The following PSMA1 variants were observed in gnomAD, a reference collection of about 807,000 sequenced individuals.
PSMA1 encodes the protein proteasome subunit alpha type-1.
A neutral mutation model predicts 38.4 loss-of-function variants in PSMA1; 3 were observed. The ratio of observed to expected loss-of-function variants is 0.08; its 90% CI spans 0.04 to 0.20. PSMA1 has a LOEUF of 0.20. Ranked by LOEUF, PSMA1 falls within the 10% of genes least tolerant of loss-of-function variation. The pLI, the probability that PSMA1 is intolerant of heterozygous loss-of-function variation, is 1.00. For missense variants in PSMA1, 227 were observed against 325.3 expected, an observed-to-expected ratio of 0.70 and a Z score of 2.32; for synonymous variants, 101 against 107.1, an observed-to-expected ratio of 0.94 and a Z score of 0.35.
At chr11:14,638,539 CTCTCTCTATATATATATATATATA>C (rs1325797459) in intron 1 of PSMA1, among the ~76,000 whole-genome samples, 342 of 19,158 alleles carry the variant, frequency 0.018, no homozygotes, top group Non-Finnish European at 0.027. Context: ...CTCTCTCTCT[CTCTCTCTATATATATATATATATA>C]TATATATATA....
chr11:14,597,292 T>G (rs992654989), intron 2 of PSMA1, among the ~76,000 whole-genome samples: 2 of 152,240 alleles, frequency 1.3e-5, no homozygotes, highest in African/African-American at 4.8e-5. Context: ...TCTTTTTCTA[T>G]TGATTGGAAT....
At chr11:14,574,608 G>C (rs1293938531) in intron 2 of PSMA1, among the ~76,000 whole-genome samples, 1 of 152,100 alleles carries the variant, frequency 6.6e-6, no homozygotes, top group African/African-American at 2.4e-5. Flanking sequence ...TGATGGGGGT[G>C]GTTACCCCCA....
At chr11:14,513,997 T>C (rs1301268272) in intron 5 of PSMA1, 110 bp from the exon 6 acceptor site, 1 of 1,371,972 alleles carries the variant, frequency 7.3e-7, no homozygotes, top group African/African-American at 1.5e-5. Flanking sequence ...TGTTGCATAA[T>C]CCACCAGAGA....
At chr11:14,526,218 A>G (rs1158541434) in intron 2 of PSMA1, among the ~76,000 whole-genome samples, 1 of 152,138 alleles carries the variant, frequency 6.6e-6, no homozygotes, top group Non-Finnish European at 1.5e-5. Context: ...AAACCATTAT[A>G]TAAACTCACA....
intron 2 of PSMA1, among the ~76,000 whole-genome samples, chr11:14,554,289 T>C (rs1188369001): frequency 6.6e-6 from 1 of 152,184 alleles, no homozygotes; most frequent in Non-Finnish European, 1.5e-5. Context: ...CTTAATGTGA[T>C]ATTTTACAGA....
At chr11:14,599,247 T>C (rs1852546700) in intron 2 of PSMA1, among the ~76,000 whole-genome samples, 2 of 152,194 alleles carry the variant, frequency 1.3e-5, no homozygotes, top group African/African-American at 4.8e-5. Context: ...AGTATCTTTA[T>C]AGTGGTTTCT....
At chr11:14,588,170 C>T (rs1435343859) in intron 2 of PSMA1, among the ~76,000 whole-genome samples, 2 of 152,238 alleles carry the variant, frequency 1.3e-5, no homozygotes, top group Non-Finnish European at 2.9e-5. Context: ...GAGTGAGTGA[C>T]TCTGCCTGGG....
At chr11:14,584,903 T>C (rs981397094) in intron 2 of PSMA1, among the ~76,000 whole-genome samples, 11 of 152,256 alleles carry the variant, frequency 7.2e-5, no homozygotes, top group African/African-American at 1.7e-4. Context: ...CTAGTGTTCC[T>C]GTCTCCTTTC....
At chr11:14,629,863 C>T (rs1408409009) in intron 1 of PSMA1, among the ~76,000 whole-genome samples, 1 of 152,080 alleles carries the variant, frequency 6.6e-6, no homozygotes, top group African/African-American at 2.4e-5. Flanking sequence ...GTTTGTAGTT[C>T]TTCTTGAAGA....
rs1852805698 is a variant in PSMA1, at chr11:14,618,694, C to T, written c.-165-7543G>A. Among the ~76,000 whole-genome samples, 4 of 152,196 alleles carry T rather than the reference C, an allele frequency of 2.6e-5. No individual in the cohort carries two copies. In the South Asian group the frequency reaches 8.3e-4, roughly 32 times the overall value. ...ATGACAACTTGTTGTTAACTGGCTT[C>T]CATTTATTATTCCTTTCATGGTCCT... On this transcript the variant is annotated intron_variant, in intron 1 of 10. Transcript: ENST00000418988.
At chr11:14,571,522 A>G (rs1407877458) in intron 2 of PSMA1, among the ~76,000 whole-genome samples, 1 of 152,220 alleles carries the variant, frequency 6.6e-6, no homozygotes, top group Non-Finnish European at 1.5e-5. Flanking sequence ...AGCATTAAAC[A>G]TGGAAAGGAA....
At chr11:14,542,414 A>G (rs1851782916) in intron 2 of PSMA1, among the ~76,000 whole-genome samples, 1 of 152,206 alleles carries the variant, frequency 6.6e-6, no homozygotes, top group Non-Finnish European at 1.5e-5. Context: ...GCAGGGAAAA[A>G]AAAACCCAAC....
At chr11:14,608,503 T>C (rs1852670147) in intron 2 of PSMA1, among the ~76,000 whole-genome samples, 2 of 150,774 alleles carry the variant, frequency 1.3e-5, no homozygotes, top group Admixed American at 6.6e-5. Flanking sequence ...ATGGCACATG[T>C]ATACATATAT....
intron 2 of PSMA1, among the ~76,000 whole-genome samples, chr11:14,532,968 G>A (rs1428196262): frequency 2.0e-5 from 3 of 152,148 alleles, no homozygotes; most frequent in African/African-American, 7.2e-5. Flanking sequence ...ATTGTACTAG[G>A]TAGTGAAACT....
At chr11:14,631,738 A>G (rs1055276806) in intron 1 of PSMA1, among the ~76,000 whole-genome samples, 17 of 152,184 alleles carry the variant, frequency 1.1e-4, no homozygotes, top group East Asian at 3.9e-4. Context: ...TTTCTGTCTC[A>G]TTGATGTGTC....
At chr11:14,543,663 T>C (rs1005946796) in intron 2 of PSMA1, among the ~76,000 whole-genome samples, 4 of 152,214 alleles carry the variant, frequency 2.6e-5, no homozygotes, top group African/African-American at 7.2e-5. Flanking sequence ...ACAGCTTTAT[T>C]GAAATTAATT....
At chr11:14,561,227 C>T (rs1852003762) in intron 2 of PSMA1, among the ~76,000 whole-genome samples, 1 of 152,212 alleles carries the variant, frequency 6.6e-6, no homozygotes, top group Non-Finnish European at 1.5e-5. Context: ...CATTTGCTCT[C>T]TTTATGTGGC....
intron 2 of PSMA1, among the ~76,000 whole-genome samples, chr11:14,552,360 C>T (rs186832647): frequency 1.3e-5 from 2 of 152,280 alleles, no homozygotes; most frequent in East Asian, 3.9e-4. Context: ...GGCTGAATTT[C>T]TCTCCAGCTC....
At chr11:14,605,199 C>T (rs1852628349) in intron 2 of PSMA1, among the ~76,000 whole-genome samples, 1 of 152,120 alleles carries the variant, frequency 6.6e-6, no homozygotes, top group Non-Finnish European at 1.5e-5. Context: ...TTCTCTGAAG[C>T]CTTGCCAACA....
Sources: allele counts gnomAD v4.1 joint callset (sites outside exome capture counted in the v4.1 genomes callset), GRCh38; gene constraint gnomAD v4.1.1; transcripts MANE v1.5; gene names NCBI Gene and HGNC (gene_info 2026-07-23, HGNC 2026-07-21).